Variants in STARD13 observed in about 807,000 individuals in gnomAD.
STARD13 encodes the protein stAR-related lipid transfer protein 13.
STARD13 carries 62 observed loss-of-function variants against 106.4 expected under a neutral mutation model. The observed-to-expected ratio is 0.58, with a 90% CI of 0.48 to 0.72. The LOEUF is 0.72. Among genes scored for constraint, STARD13 ranks in the 30% least tolerant of loss-of-function variants. STARD13 has a pLI of 0.00. For missense variants in STARD13, 1,387 were observed against 1,424.0 expected, an observed-to-expected ratio of 0.97 and a Z score of 0.42; for synonymous variants, 565 against 553.0, an observed-to-expected ratio of 1.02 and a Z score of -0.31.
rs1199059106 is a variant in STARD13, at chr13:33,350,215, G to A, written c.124+75C>T. ...GCCCTGGAGCCCAGAGCAGAGGAGGGCGGCGGGCCCGGGCGGGCTACGGGG... is the reference window on the plus strand; with the variant it reads ...GCCCTGGAGCCCAGAGCAGAGGAGGACGGCGGGCCCGGGCGGGCTACGGGG... On this transcript the variant is annotated intron_variant, in intron 1 of 1. Transcript: ENST00000439831. The A allele has an allele frequency of 4.8e-6, 7 of 1,444,106 alleles. No individual in the cohort carries two copies. The East Asian group carries it at 1.3e-4, about 28-fold the overall frequency. The allele number at this position is 1,444,106 out of a possible 1,614,324, so 89.5% of individuals were successfully genotyped here. A position where few individuals can be genotyped will look rare whatever the true frequency, so the allele number is the denominator to read the frequency against.
chr13:33,399,573 T>C, the STARD13 span, among the ~76,000 whole-genome samples: 1 of 151,580 alleles, frequency 6.6e-6, no homozygotes, highest in Non-Finnish European at 1.5e-5. Flanking sequence ...TGGTGGCTGG[T>C]GCCTGTAGTC....
chr13:33,330,616 A>G (rs1158145467), intron 1 of STARD13, among the ~76,000 whole-genome samples: 1 of 152,222 alleles, frequency 6.6e-6, no homozygotes, highest in Non-Finnish European at 1.5e-5. Context: ...TCTTTTCAAG[A>G]GGGTGCTTCT....
intron 1 of STARD13, among the ~76,000 whole-genome samples, chr13:33,247,369 G>A (rs73465069): frequency 0.015 from 2,300 of 152,118 alleles, 52 homozygotes; most frequent in African/African-American, 0.049. Context: ...TTCAGCAGGC[G>A]ATGGGGGCAA....
At chr13:33,580,011 A>G in the STARD13 span, among the ~76,000 whole-genome samples, 1 of 152,146 alleles carries the variant, frequency 6.6e-6, no homozygotes, top group South Asian at 2.1e-4. Flanking sequence ...ACAATTTCTC[A>G]CATAACTAAA....
intron 1 of STARD13, among the ~76,000 whole-genome samples, chr13:33,170,411 G>C (rs1187689617): frequency 6.6e-6 from 1 of 152,156 alleles, no homozygotes; most frequent in Non-Finnish European, 1.5e-5. Flanking sequence ...TATTTAAAAG[G>C]CTCCTCAGAT....
At chr13:33,393,902 A>G in the STARD13 span, among the ~76,000 whole-genome samples, 1 of 152,230 alleles carries the variant, frequency 6.6e-6, no homozygotes, top group Non-Finnish European at 1.5e-5. Flanking sequence ...CTGTTTTCAC[A>G]TATTCCTCTA....
chr13:33,214,387 G>A (rs928179295), intron 1 of STARD13, among the ~76,000 whole-genome samples: 1 of 152,282 alleles, frequency 6.6e-6, no homozygotes, highest in African/African-American at 2.4e-5. Context: ...GCTGCAAAGC[G>A]TGGGTGGCCA....
chr13:33,213,463 T>C (rs958041163), intron 1 of STARD13, among the ~76,000 whole-genome samples: 1 of 152,224 alleles, frequency 6.6e-6, no homozygotes, highest in Non-Finnish European at 1.5e-5. Context: ...AAAATCTCCA[T>C]CACATCAGCA....
intron 7 of STARD13, among the ~76,000 whole-genome samples, chr13:33,121,900 C>A (rs759735556): frequency 6.6e-6 from 1 of 151,302 alleles, no homozygotes; most frequent in East Asian, 2.0e-4. Context: ...GGTTGGAGTG[C>A]GATGGCACGA....
upstream of STARD13, among the ~76,000 whole-genome samples, chr13:33,353,094 T>G (rs1477648682): frequency 6.6e-6 from 1 of 152,092 alleles, no homozygotes; most frequent in Non-Finnish European, 1.5e-5. Context: ...TTTGCTACAT[T>G]GGTTATTTCC....
At chr13:33,577,529 A>G in the STARD13 span, among the ~76,000 whole-genome samples, 9 of 152,196 alleles carry the variant, frequency 5.9e-5, no homozygotes, top group African/African-American at 2.2e-4. Flanking sequence ...AGTTATTGCT[A>G]ACAAAATGAA....
intron 2 of STARD13, 35 bp from the exon 3 acceptor site, chr13:33,165,453 G>A (rs1363693088): frequency 6.5e-7 from 1 of 1,531,650 alleles, no homozygotes. Flanking sequence ...GATGTACTTT[G>A]TTTTATCTGA....
At chr13:33,299,621 A>G (rs1288703874) in intron 1 of STARD13, among the ~76,000 whole-genome samples, 1 of 152,186 alleles carries the variant, frequency 6.6e-6, no homozygotes, top group Non-Finnish European at 1.5e-5. Flanking sequence ...GTGTGCTCAG[A>G]TTTGAGAAGT....
At chr13:33,540,593 T>C in the STARD13 span, among the ~76,000 whole-genome samples, 1 of 152,218 alleles carries the variant, frequency 6.6e-6, no homozygotes, top group South Asian at 2.1e-4. Context: ...CGGTTGACAG[T>C]TGGTAACTGA....
the STARD13 span, among the ~76,000 whole-genome samples, chr13:33,413,172 G>C: frequency 6.6e-6 from 1 of 152,064 alleles, no homozygotes; most frequent in Non-Finnish European, 1.5e-5. Context: ...ATAATCTATG[G>C]CTCAAGGGGA....
At chr13:33,507,291 T>A in the STARD13 span, among the ~76,000 whole-genome samples, 2 of 152,204 alleles carry the variant, frequency 1.3e-5, no homozygotes, top group African/African-American at 4.8e-5. Flanking sequence ...AGGTTTTTTT[T>A]ACATGTAAAA....
the STARD13 span, among the ~76,000 whole-genome samples, chr13:33,376,732 C>T: frequency 1.3e-5 from 2 of 152,112 alleles, no homozygotes; most frequent in African/African-American, 2.4e-5. Flanking sequence ...ATCTCCCTGA[C>T]AGAGACCAAA....
the STARD13 span, among the ~76,000 whole-genome samples, chr13:33,380,176 A>G: frequency 3.5e-4 from 54 of 152,234 alleles, no homozygotes; most frequent in African/African-American, 1.3e-3. Context: ...ACCTGAGGTG[A>G]GGAGTTCAAG....
the STARD13 span, among the ~76,000 whole-genome samples, chr13:33,378,115 T>C: frequency 4.9e-4 from 74 of 152,244 alleles, no homozygotes; most frequent in African/African-American, 1.4e-3. Context: ...TTATCATACT[T>C]GTAATTCATG....
Sources: allele counts gnomAD v4.1 joint callset (sites outside exome capture counted in the v4.1 genomes callset), GRCh38; gene constraint gnomAD v4.1.1; transcripts MANE v1.5; gene names NCBI Gene and HGNC (gene_info 2026-07-23, HGNC 2026-07-21).